Variants in LHFPL3 observed in about 807,000 individuals in gnomAD.
LHFPL3 encodes the protein LHFPL tetraspan subfamily member 3 protein.
LHFPL3 carries 5 observed loss-of-function variants against 19.3 expected under a neutral mutation model. The observed-to-expected ratio is 0.26, with a 90% CI of 0.14 to 0.54. The LOEUF (loss-of-function observed/expected upper bound fraction) is 0.54. Ranked by LOEUF, LHFPL3 falls within the 20% of genes least tolerant of loss-of-function variation. The probability of loss-of-function intolerance (pLI) is 0.94; values close to 1 mark genes in which losing one functional copy is unlikely to be tolerated. For missense variants in LHFPL3, 249 were observed against 307.4 expected, an observed-to-expected ratio of 0.81 and a Z score of 1.42; for synonymous variants, 133 against 126.2, an observed-to-expected ratio of 1.05 and a Z score of -0.36.
At chr7:104,643,851 G>T (rs1425080446) in intron 1 of LHFPL3, among the ~76,000 whole-genome samples, 1 of 152,176 alleles carries the variant, frequency 6.6e-6, no homozygotes, top group Non-Finnish European at 1.5e-5. Context: ...ATTTACAAAG[G>T]AACTCCCATC....
rs1267141717 is a variant in LHFPL3, at chr7:104,835,016, G to T, written c.683-71171G>T. On this transcript the variant is annotated intron_variant, in intron 2 of 2. Transcript: ENST00000424859. ...TTTCTTCCTTGCATTCTCTTCATCA[G>T]TATAGGTTCTGTTGTGAATTTTCCA... Among the ~76,000 whole-genome samples, 5 of 151,830 alleles carry T rather than the reference G, an allele frequency of 3.3e-5. 1 individual carries two copies. The highest frequency in any genetic ancestry group is 1.2e-4 in the African/African-American group (5 of 41,158).
intron 2 of LHFPL3, among the ~76,000 whole-genome samples, chr7:104,793,701 GTC>G: frequency 6.6e-6 from 1 of 152,278 alleles, no homozygotes; most frequent in East Asian, 1.9e-4. Context: ...TAGTAGCCTT[GTC>G]TCTAACTATG....
intron 1 of LHFPL3, among the ~76,000 whole-genome samples, chr7:104,503,539 C>A (rs1256190345): frequency 6.6e-6 from 1 of 151,980 alleles, no homozygotes; most frequent in Non-Finnish European, 1.5e-5. Flanking sequence ...TGGATCATTT[C>A]CATGTTTAAG....
At chr7:104,717,795 C>T (rs954337652) in intron 1 of LHFPL3, among the ~76,000 whole-genome samples, 4 of 152,166 alleles carry the variant, frequency 2.6e-5, no homozygotes, top group Non-Finnish European at 2.9e-5. Flanking sequence ...AGCAATCCTA[C>T]TTCTGAGTAT....
intron 1 of LHFPL3, among the ~76,000 whole-genome samples, chr7:104,354,784 G>A (rs1376847820): frequency 6.6e-6 from 1 of 151,966 alleles, no homozygotes; most frequent in African/African-American, 2.4e-5. Context: ...ATATGTAATT[G>A]CACAATTTCT....
In LHFPL3 at chr7:104,602,020, C is replaced by CTTTT. The variant is rs57501560; in HGVS notation, c.446-134638_446-134635dup. On this transcript the variant is annotated intron_variant, in intron 1 of 2. Coordinates refer to ENST00000424859, the MANE Select transcript of LHFPL3 (RefSeq NM_199000.3). ...TAGCAATTTATTTTCTTTTTCTTTT[C>CTTTT]TTTTTTTTTTTTTTTTTTTTCTGAC... Among the ~76,000 whole-genome samples, 495 of 91,436 alleles carry CTTTT rather than the reference C, an allele frequency of 5.4e-3. 43 individuals are homozygous for CTTTT. The highest frequency in any genetic ancestry group is 0.015 in the South Asian group (35 of 2,260). 60.0% of individuals were successfully genotyped at this position (91,436 alleles called of 152,430 possible). A position where few individuals can be genotyped will look rare whatever the true frequency, so the allele number is the denominator to read the frequency against.
At chr7:104,536,560 G>T (rs943262463) in intron 1 of LHFPL3, among the ~76,000 whole-genome samples, 2 of 152,186 alleles carry the variant, frequency 1.3e-5, no homozygotes, top group African/African-American at 4.8e-5. Flanking sequence ...TAAAGTTGTA[G>T]TTCTGTTGGA....
intron 1 of LHFPL3, among the ~76,000 whole-genome samples, chr7:104,511,735 G>C (rs1793817279): frequency 6.6e-6 from 1 of 152,042 alleles, no homozygotes; most frequent in African/African-American, 2.4e-5. Flanking sequence ...GGTGATGGGT[G>C]CACCAAAATC....
intron 1 of LHFPL3, among the ~76,000 whole-genome samples, chr7:104,653,116 T>C (rs1792060830): frequency 6.6e-6 from 1 of 152,204 alleles, no homozygotes; most frequent in South Asian, 2.1e-4. Flanking sequence ...CCCAGGGACA[T>C]GGCCTTGAGC....
At position 104,538,550 on chromosome 7, in the gene LHFPL3, A is replaced by G. The variant is rs114407776; in HGVS notation, c.446-198125A>G. ...TTTCCACAGGGTGGCCATCCACTAC[A>G]CAGGGCAGATGTTTGCCATTGTTTT... On this transcript the variant is annotated intron_variant, in intron 1 of 2. Transcript: ENST00000424859. 6.9e-3 allele frequency among the ~76,000 whole-genome samples: 1,049 copies of G among 152,356 alleles called. 7 individuals are homozygous for G. Among genetic ancestry groups the G allele is most frequent in the African/African-American group, 0.023 (963 of 41,588 alleles).
intron 1 of LHFPL3, among the ~76,000 whole-genome samples, chr7:104,618,294 T>TAACA (rs1468187996): frequency 6.6e-6 from 1 of 152,190 alleles, no homozygotes; most frequent in African/African-American, 2.4e-5. Flanking sequence ...GTTGCTTGAT[T>TAACA]AACAATCAGC....
chr7:104,698,845 T>G (rs1793048298), intron 1 of LHFPL3, among the ~76,000 whole-genome samples: 1 of 152,184 alleles, frequency 6.6e-6, no homozygotes, highest in Non-Finnish European at 1.5e-5. Context: ...CTCCTACAAC[T>G]TAATCAAAAA....
chr7:104,506,833 A>G (rs1793708106), intron 1 of LHFPL3, among the ~76,000 whole-genome samples: 1 of 152,204 alleles, frequency 6.6e-6, no homozygotes, highest in Admixed American at 6.5e-5. Context: ...GGGAGTAACT[A>G]GTGATCTTTG....
At chr7:104,783,430 A>G (rs1789852028) in intron 2 of LHFPL3, among the ~76,000 whole-genome samples, 1 of 152,228 alleles carries the variant, frequency 6.6e-6, no homozygotes, top group Non-Finnish European at 1.5e-5. Context: ...CAGCATCTAC[A>G]TAATGCCTGT....
At chr7:104,380,030 A>G (rs972918861) in intron 1 of LHFPL3, among the ~76,000 whole-genome samples, 2 of 152,026 alleles carry the variant, frequency 1.3e-5, no homozygotes, top group African/African-American at 4.8e-5. Context: ...TCACTATGAT[A>G]TATCTCATAT....
At chr7:104,788,351 T>G (rs1789962248) in intron 2 of LHFPL3, among the ~76,000 whole-genome samples, 1 of 152,172 alleles carries the variant, frequency 6.6e-6, no homozygotes, top group Admixed American at 6.5e-5. Flanking sequence ...CCCTCCTGAG[T>G]CCTGCCAGCG....
intron 2 of LHFPL3, among the ~76,000 whole-genome samples, chr7:104,790,517 T>A (rs1790005153): frequency 6.6e-6 from 1 of 152,278 alleles, no homozygotes; most frequent in Non-Finnish European, 1.5e-5. Flanking sequence ...TTCTTTATTT[T>A]AGGACCACTT....
At chr7:104,471,917 C>T (rs1047093458) in intron 1 of LHFPL3, among the ~76,000 whole-genome samples, 1 of 152,154 alleles carries the variant, frequency 6.6e-6, no homozygotes, top group Non-Finnish European at 1.5e-5. Flanking sequence ...ATGGCCCTTG[C>T]TTGTAAACCC....
chr7:104,669,161 T>A (rs1792422462), intron 1 of LHFPL3: 2 of 1,613,524 alleles, frequency 1.2e-6, no homozygotes, highest in Admixed American at 1.7e-5. Flanking sequence ...CTAAAGGTAA[T>A]GCCAGCCCCT....
Sources: gnomAD v4.1 joint callset for allele counts (sites outside exome capture counted in the v4.1 genomes callset) on GRCh38, gnomAD v4.1.1 for gene constraint, MANE v1.5 for transcripts, NCBI Gene and HGNC (gene_info 2026-07-23, HGNC 2026-07-21) for gene names.